The following SPDYE10 variants were observed in gnomAD, a reference collection of about 807,000 sequenced individuals.
SPDYE10 encodes the protein speedy protein E10.
chr7:73,141,115 C>G, the SPDYE10 span, among the ~76,000 whole-genome samples: 1 of 150,496 alleles, frequency 6.6e-6, no homozygotes, highest in Non-Finnish European at 1.5e-5. Flanking sequence ...CACACACAGA[C>G]AAAATTAGCC....
the SPDYE10 span, among the ~76,000 whole-genome samples, chr7:73,126,457 A>G: frequency 2.5e-5 from 3 of 120,552 alleles, no homozygotes; most frequent in Admixed American, 8.2e-5. Context: ...CAGTGAGCCA[A>G]TATTGTGCCA....
the SPDYE10 span, among the ~76,000 whole-genome samples, chr7:73,130,422 A>T: frequency 6.6e-6 from 1 of 151,924 alleles, no homozygotes; most frequent in African/African-American, 2.4e-5. Flanking sequence ...AAATTCTTTA[A>T]TTTTTTCAAG....
At chr7:73,115,015 G>A in the SPDYE10 span, among the ~76,000 whole-genome samples, 2 of 151,808 alleles carry the variant, frequency 1.3e-5, no homozygotes, top group African/African-American at 2.4e-5. Flanking sequence ...CCCCACCTCA[G>A]CCTCCCGAGT....
chr7:73,123,815 C>CTCTCTG, the SPDYE10 span, among the ~76,000 whole-genome samples: 1 of 151,522 alleles, frequency 6.6e-6, no homozygotes, highest in Admixed American at 6.6e-5. Flanking sequence ...CTCTCTCTCT[C>CTCTCTG]TCTCTCTCTC....
the SPDYE10 span, among the ~76,000 whole-genome samples, chr7:73,141,171 G>A: frequency 6.6e-5 from 10 of 152,038 alleles, no homozygotes; most frequent in Non-Finnish European, 1.3e-4. Flanking sequence ...GGTCTTAGTT[G>A]CAATCAACAG....
the SPDYE10 span, among the ~76,000 whole-genome samples, chr7:73,123,223 G>A: frequency 6.6e-6 from 1 of 152,216 alleles, no homozygotes; most frequent in Non-Finnish European, 1.5e-5. Flanking sequence ...TCTTGCCTGA[G>A]CCTCTGAGCC....
At chr7:73,128,496 A>G in the SPDYE10 span, among the ~76,000 whole-genome samples, 1 of 140,880 alleles carries the variant, frequency 7.1e-6, no homozygotes, top group East Asian at 2.0e-4. Flanking sequence ...TGGAGCACAT[A>G]GCATTTTGAG....
chr7:73,117,713 GTAC>G, the SPDYE10 span, among the ~76,000 whole-genome samples: 1 of 148,008 alleles, frequency 6.8e-6, no homozygotes, highest in African/African-American at 2.6e-5. Flanking sequence ...GGGGTTCACT[GTAC>G]TCTTCTGTCT....
chr7:73,123,525 G>A, the SPDYE10 span, among the ~76,000 whole-genome samples: 1 of 152,214 alleles, frequency 6.6e-6, no homozygotes, highest in South Asian at 2.1e-4. Context: ...GGAGTGCAGT[G>A]GTGTGATCTC....
the SPDYE10 span, chr7:73,154,840 G>C: frequency 9.9e-6 from 2 of 202,698 alleles, no homozygotes; most frequent in African/African-American, 4.9e-5. Flanking sequence ...AGCAGCACCG[G>C]GGGAGCCCCC....
At chr7:73,150,942 ATATATATTTTT>A in the SPDYE10 span, among the ~76,000 whole-genome samples, 1 of 18,862 alleles carries the variant, frequency 5.3e-5, no homozygotes, top group African/African-American at 2.5e-4. Context: ...ATATATATAT[ATATATATTTTT>A]TTTTTTTTAC....
At chr7:73,111,329 C>T in the SPDYE10 span, among the ~76,000 whole-genome samples, 1 of 142,808 alleles carries the variant, frequency 7.0e-6, no homozygotes, top group Non-Finnish European at 1.5e-5. Flanking sequence ...TCTTCCCTCT[C>T]TCTGTCCTCA....
At chr7:73,155,271 G>A in the SPDYE10 span, 5 of 407,558 alleles carry the variant, frequency 1.2e-5, no homozygotes, top group African/African-American at 1.3e-4. Context: ...CAAGTTGCCA[G>A]CGTCGCCAAG....
the SPDYE10 span, among the ~76,000 whole-genome samples, chr7:73,145,142 CT>C: frequency 8.0e-6 from 1 of 124,628 alleles, no homozygotes; most frequent in Non-Finnish European, 1.7e-5. Flanking sequence ...CTTTCTTTCT[CT>C]TTTTCTTTCT....
At chr7:73,137,531 A>T in the SPDYE10 span, among the ~76,000 whole-genome samples, 1 of 150,996 alleles carries the variant, frequency 6.6e-6, no homozygotes, top group African/African-American at 2.5e-5. Context: ...AAAAAAGGAA[A>T]GAAAGAGAGA....
chr7:73,137,704 A>G, the SPDYE10 span, among the ~76,000 whole-genome samples: 31 of 14,350 alleles, frequency 2.2e-3, no homozygotes, highest in Middle Eastern at 0.05. Flanking sequence ...GGGAAGGGAA[A>G]GGGAGGGGGA....
chr7:73,134,537 A>AAGAAAAGAAAGAAAGAAAGAAAG, the SPDYE10 span, among the ~76,000 whole-genome samples: 1 of 139,530 alleles, frequency 7.2e-6, no homozygotes, highest in African/African-American at 2.9e-5. Flanking sequence ...GAAAGAAAGA[A>AAGAAAAGAAAGAAAGAAAGAAAG]AAAGAAAGAA....
At chr7:73,123,813 C>CTCTCTCTCTCTCTCTCTG in the SPDYE10 span, among the ~76,000 whole-genome samples, 2 of 151,316 alleles carry the variant, frequency 1.3e-5, no homozygotes, top group Admixed American at 1.3e-4. Flanking sequence ...CTCTCTCTCT[C>CTCTCTCTCTCTCTCTCTG]TCTCTCTCTC....
the SPDYE10 span, among the ~76,000 whole-genome samples, chr7:73,149,655 T>C: frequency 6.6e-6 from 1 of 151,714 alleles, no homozygotes; most frequent in Admixed American, 6.6e-5. Flanking sequence ...CCTGGGCTCA[T>C]GTGTGTGGCT....
Sources: gnomAD v4.1 joint callset for allele counts (sites outside exome capture counted in the v4.1 genomes callset) on GRCh38, gnomAD v4.1.1 for gene constraint, MANE v1.5 for transcripts, NCBI Gene and HGNC (gene_info 2026-07-23, HGNC 2026-07-21) for gene names.